TENM2: variants seen among roughly 807,000 people sequenced by gnomAD.
The protein encoded by TENM2 is teneurin transmembrane protein 2.
TENM2 carries 52 observed loss-of-function variants against 245.2 expected under a neutral mutation model. The observed-to-expected ratio is 0.21, with a 90% CI of 0.17 to 0.27. The LOEUF is 0.27. Ranked by LOEUF, TENM2 falls within the 10% of genes least tolerant of loss-of-function variation. TENM2 has a pLI of 1.00. For synonymous variants in TENM2, 1,363 were observed against 1,438.9 expected, an observed-to-expected ratio of 0.95 and a Z score of 1.19; for missense variants, 3,046 against 3,666.8, an observed-to-expected ratio of 0.83 and a Z score of 4.37.
At chr5:167,619,506 A>G (rs945630137) in intron 2 of TENM2, among the ~76,000 whole-genome samples, 1 of 152,068 alleles carries the variant, frequency 6.6e-6, no homozygotes, top group South Asian at 2.1e-4. Context: ...ACTGGTGTGG[A>G]TGGGATCCTC....
At chr5:167,439,081 G>A (rs72829354) in intron 2 of TENM2, among the ~76,000 whole-genome samples, 18,091 of 152,046 alleles carry the variant, frequency 0.12, 1,265 homozygotes, top group South Asian at 0.19. Context: ...GGCATGAGCC[G>A]CCGCACCGGG....
chr5:167,248,964 G>A, the TENM2 span, among the ~76,000 whole-genome samples: 1 of 152,050 alleles, frequency 6.6e-6, no homozygotes, highest in African/African-American at 2.4e-5. Context: ...CTAATTTATA[G>A]TCCGCTGATC....
At chr5:168,076,125 G>A (rs1791444864) in intron 7 of TENM2, among the ~76,000 whole-genome samples, 2 of 152,170 alleles carry the variant, frequency 1.3e-5, no homozygotes, top group African/African-American at 4.8e-5. Flanking sequence ...CACAATGCGT[G>A]TGACCATTCA....
chr5:168,237,966 C>A (rs974705216), intron 25 of TENM2, among the ~76,000 whole-genome samples: 18 of 151,306 alleles, frequency 1.2e-4, no homozygotes, highest in South Asian at 2.1e-4. Flanking sequence ...CACGGTGAAA[C>A]CCCGTCTCTA....
At position 168,218,709 on chromosome 5, in the gene TENM2, G is replaced by A. The variant is rs752905154; in HGVS notation, c.4818G>A (p.Val1606=). ...CTGATGGCATCCACCAATACACTGT[G>A]AGCCTGGTGACAGGGGAGTACTTGT... Residue 1606 remains valine, a synonymous_variant, in exon 23 of 29, where the codon GTG becomes GTA. Transcript: ENST00000518659. The surrounding 1 kb of genome is among the most constrained non-coding windows in gnomAD (Gnocchi z 5.2). 1.9e-6 allele frequency: 3 copies of A among 1,614,046 alleles called. No individual in the cohort carries two copies. Among genetic ancestry groups the A allele is most frequent in the South Asian group, 1.1e-5 (1 of 91,080 alleles).
At chr5:168,139,142 G>A (rs1205598424) in intron 12 of TENM2, among the ~76,000 whole-genome samples, 1 of 152,324 alleles carries the variant, frequency 6.6e-6, no homozygotes, top group African/African-American at 2.4e-5. Context: ...GCAACACAAT[G>A]TAATTGCATA....
intron 23 of TENM2, among the ~76,000 whole-genome samples, chr5:168,224,578 G>A (rs544462544): frequency 1.3e-5 from 2 of 152,072 alleles, no homozygotes; most frequent in Non-Finnish European, 2.9e-5. Flanking sequence ...CATCCAACAG[G>A]CCACAGCGGT....
chr5:168,144,224 C>T (rs1249376093), intron 12 of TENM2, among the ~76,000 whole-genome samples: 1 of 151,724 alleles, frequency 6.6e-6, no homozygotes, highest in Non-Finnish European at 1.5e-5. Context: ...TACATGTGCA[C>T]ATTGTGCAGG....
the TENM2 span, among the ~76,000 whole-genome samples, chr5:167,235,360 A>T: frequency 6.6e-6 from 1 of 152,228 alleles, no homozygotes. Flanking sequence ...AACACAATTC[A>T]GCCTGTAACA....
Position 167,325,434 on chromosome 5 carries a change from C to G in TENM2, c.226+40371C>G, listed in dbSNP as rs559025820. Among the ~76,000 whole-genome samples the G allele has an allele frequency of 2.6e-5, 4 of 152,274 alleles. No individual in the cohort carries two copies. The South Asian group carries it at 8.3e-4, about 32-fold the overall frequency. ...AGTCAACAAGCAACTATTGTAGTTG[C>G]TTTGTTCCCAGGAACAGGGAAGTAT... On this transcript the variant is annotated intron_variant, in intron 1 of 28. Transcript: ENST00000518659.
chr5:168,158,337 C>G (rs550650803), intron 12 of TENM2, among the ~76,000 whole-genome samples: 3 of 152,098 alleles, frequency 2.0e-5, no homozygotes, highest in Non-Finnish European at 4.4e-5. Flanking sequence ...ATTATCTTCT[C>G]ATGATTCTCA....
At chr5:167,181,953 T>A in the TENM2 span, among the ~76,000 whole-genome samples, 1 of 152,300 alleles carries the variant, frequency 6.6e-6, no homozygotes, top group South Asian at 2.1e-4. Context: ...TAGTTCTGTT[T>A]ATTTCTACAA....
At chr5:167,464,064 A>G (rs1766493608) in intron 2 of TENM2, among the ~76,000 whole-genome samples, 1 of 152,170 alleles carries the variant, frequency 6.6e-6, no homozygotes, top group Admixed American at 6.5e-5. Context: ...TGCTGAATAA[A>G]TGGGAACCAG....
intron 13 of TENM2, among the ~76,000 whole-genome samples, chr5:168,170,468 C>A (rs1758704797): frequency 6.6e-6 from 1 of 151,770 alleles, no homozygotes; most frequent in South Asian, 2.1e-4. Context: ...CGCACCACTG[C>A]AGCACTCCAG....
chr5:166,990,903 T>G, the TENM2 span, among the ~76,000 whole-genome samples: 1 of 152,132 alleles, frequency 6.6e-6, no homozygotes, highest in South Asian at 2.1e-4. Context: ...TGGCATGAGG[T>G]GTAAAAGTCT....
the TENM2 span, among the ~76,000 whole-genome samples, chr5:167,122,437 C>T: frequency 3.9e-5 from 6 of 152,080 alleles, no homozygotes; most frequent in African/African-American, 1.4e-4. Context: ...CTCTTCCTCC[C>T]TCTCTCTGAC....
chr5:167,333,835 T>C (rs1642447222), intron 1 of TENM2, among the ~76,000 whole-genome samples: 1 of 152,210 alleles, frequency 6.6e-6, no homozygotes, highest in Admixed American at 6.5e-5. Flanking sequence ...ATCAGCTTTC[T>C]AGGCTCATGA....
At chr5:168,096,828 G>C (rs1211163903) in intron 8 of TENM2, among the ~76,000 whole-genome samples, 1 of 151,886 alleles carries the variant, frequency 6.6e-6, no homozygotes, top group African/African-American at 2.4e-5. Context: ...GAACCTGAAA[G>C]TCTAAATGTA....
intron 2 of TENM2, among the ~76,000 whole-genome samples, chr5:167,808,124 G>A (rs1038183996): frequency 3.9e-5 from 6 of 152,120 alleles, no homozygotes; most frequent in South Asian, 2.1e-4. Flanking sequence ...TTCAAACCAC[G>A]GCTTTTACCA....
Sources: allele counts gnomAD v4.1 joint callset (sites outside exome capture counted in the v4.1 genomes callset), GRCh38; gene constraint gnomAD v4.1.1; non-coding constraint Gnocchi (gnomAD v3.1); transcripts MANE v1.5; gene names NCBI Gene and HGNC (gene_info 2026-07-23, HGNC 2026-07-21).